Variants in IL34 observed in about 807,000 individuals in gnomAD.
IL34 encodes interleukin-34.
A neutral mutation model predicts 25.3 loss-of-function variants in IL34; 17 were observed. The ratio of observed to expected loss-of-function variants is 0.67; its 90% CI spans 0.46 to 1.01. IL34 has a LOEUF of 1.01. IL34 is among the 50% of genes least tolerant of loss of function. The pLI, the probability that IL34 is intolerant of heterozygous loss-of-function variation, is 0.00. For missense variants in IL34, 368 were observed against 312.9 expected, an observed-to-expected ratio of 1.18 and a Z score of -1.33; for synonymous variants, 174 against 140.9, an observed-to-expected ratio of 1.23 and a Z score of -1.66.
chr16:70,622,858 G>A (rs970640008), intron 1 of IL34, among the ~76,000 whole-genome samples: 3 of 152,166 alleles, frequency 2.0e-5, no homozygotes, highest in Admixed American at 6.5e-5. Flanking sequence ...GCCTCTAAAA[G>A]TATTAATGCA....
At chr16:70,659,927 G>T (rs2052349312) in intron 5 of IL34, 70 bp from the exon 6 acceptor site, 1 of 1,499,174 alleles carries the variant, frequency 6.7e-7, no homozygotes, top group Non-Finnish European at 9.0e-7. Flanking sequence ...AGCACATGCG[G>T]CTTGGCTTAG....
intron 1 of IL34, among the ~76,000 whole-genome samples, chr16:70,632,211 T>C (rs1567454306): frequency 6.6e-6 from 1 of 152,058 alleles, no homozygotes; most frequent in Non-Finnish European, 1.5e-5. Context: ...CCAGTGAATA[T>C]GGAGGAGCCT....
rs2051944646 is a variant in IL34 at position 70,646,830 on chromosome 16, C to T, written c.-118C>T. The T allele has an allele frequency of 9.9e-7, 1 of 1,008,428 alleles. No individual in the cohort carries two copies. The highest frequency in any genetic ancestry group is 1.4e-6 in the Non-Finnish European group (1 of 720,938). 62.5% of individuals were successfully genotyped at this position (1,008,428 alleles called of 1,614,324 possible). ...CCCAGCCACTCCTCCAGGGCCAGCC[C>T]TTCCCTGACTGAGTGACCACCTCTG... On this transcript the variant is annotated 5_prime_UTR_variant, in exon 1 of 6. Transcript: ENST00000288098.
chr16:70,606,759 T>C (rs1465779111), intron 1 of IL34, among the ~76,000 whole-genome samples: 6 of 152,142 alleles, frequency 3.9e-5, no homozygotes, highest in Non-Finnish European at 7.4e-5. Flanking sequence ...GGCTAATTTT[T>C]GTATTTTTTG....
At chr16:70,643,719 T>C (rs563693171), upstream of IL34, among the ~76,000 whole-genome samples, 1 of 152,286 alleles carries the variant, frequency 6.6e-6, no homozygotes, top group Non-Finnish European at 1.5e-5. Context: ...AAATTATATA[T>C]TGATTTTTAA....
At chr16:70,623,115 T>A (rs1176564735) in intron 1 of IL34, among the ~76,000 whole-genome samples, 3 of 151,920 alleles carry the variant, frequency 2.0e-5, no homozygotes, top group Non-Finnish European at 4.4e-5. Flanking sequence ...CAGATGAGGA[T>A]GAAATTTGGG....
At chr16:70,620,563 C>G (rs1027562082) in intron 1 of IL34, among the ~76,000 whole-genome samples, 59 of 151,978 alleles carry the variant, frequency 3.9e-4, no homozygotes, top group Non-Finnish European at 3.1e-4. Flanking sequence ...AAAGACTCAG[C>G]GACACTTGGG....
Position 70,657,040 on chromosome 16 carries a change from C to A in IL34, c.321C>A (p.Asp107Glu). 1 of 1,612,712 alleles carries A rather than the reference C, an allele frequency of 6.2e-7. No individual in the cohort carries two copies. The highest frequency in any genetic ancestry group is 8.5e-7 in the Non-Finnish European group (1 of 1,179,968). ...TCAGTGCCACTGAGTCGGTGCAGGA[C>A]GTGCTGCTCGAGGGCCACCCATCCT... ...VSLSATESVQDVLLEGHPSWK... is the reference protein window; with the variant it reads ...VSLSATESVQEVLLEGHPSWK... The change falls in exon 4 of 6, where the codon GAC becomes GAA. Residue 107 changes from aspartate (D) to glutamate (E), a missense_variant. Asp to Glu is a conservative substitution (Grantham distance 45, BLOSUM62 2). Transcript: ENST00000288098.
Position 70,646,823 on chromosome 16 carries a change from G to T in IL34, c.-125G>T. 1.1e-6 allele frequency: 1 copy of T among 933,918 alleles called. No homozygotes were observed. The allele number at this position is 933,918 out of a possible 1,614,324, so 57.9% of individuals were successfully genotyped here. A position where few individuals can be genotyped will look rare whatever the true frequency, so the allele number is the denominator to read the frequency against. Reference sequence around the variant, plus strand: ...CCCGCAGCCCAGCCACTCCTCCAGGGCCAGCCCTTCCCTGACTGAGTGACC... The same window carrying T: ...CCCGCAGCCCAGCCACTCCTCCAGGTCCAGCCCTTCCCTGACTGAGTGACC... On this transcript the variant is annotated 5_prime_UTR_variant, in exon 1 of 6. Coordinates refer to ENST00000288098, the MANE Select transcript of IL34 (RefSeq NM_001393494.1).
chr16:70,654,699 C>T (rs746673396), intron 2 of IL34, 28 bp downstream of exon 2: 6 of 1,578,996 alleles, frequency 3.8e-6, no homozygotes, highest in Admixed American at 1.7e-5. Flanking sequence ...AGCTGTGTCC[C>T]TGTCCCCGCG....
At chr16:70,621,623 G>C (rs771328619) in intron 1 of IL34, among the ~76,000 whole-genome samples, 1 of 152,080 alleles carries the variant, frequency 6.6e-6, no homozygotes, top group Non-Finnish European at 1.5e-5. Flanking sequence ...ATGCGCGTCC[G>C]TGTGAAGAGA....
Position 70,635,651 on chromosome 16 carries a change from C to T in IL34, c.-400-10897C>T, listed in dbSNP as rs938943301. On this transcript the variant is annotated intron_variant, in intron 1 of 6. Coordinates refer to the IL34 transcript ENST00000429149. ...GTCCCACGCTGGGTTTCTTTCTTGCCTTCTTTCACAATCAAGTAAGTATTT... is the reference window on the plus strand; with the variant it reads ...GTCCCACGCTGGGTTTCTTTCTTGCTTTCTTTCACAATCAAGTAAGTATTT... Among the ~76,000 whole-genome samples, 2 of 152,166 alleles carry T rather than the reference C, an allele frequency of 1.3e-5. 1 individual carries two copies. Among genetic ancestry groups the T allele is most frequent in the African/African-American group, 4.8e-5 (2 of 41,450 alleles).
intron 1 of IL34, among the ~76,000 whole-genome samples, chr16:70,620,811 C>T (rs1454286669): frequency 6.6e-6 from 1 of 152,036 alleles, no homozygotes; most frequent in African/African-American, 2.4e-5. Context: ...AGGGGCATTG[C>T]AGAAGAAAAG....
Position 70,636,587 on chromosome 16 carries a change from A to T in IL34, c.-400-9961A>T, listed in dbSNP as rs200228816. On this transcript the variant is annotated intron_variant, in intron 1 of 6. Coordinates refer to the IL34 transcript ENST00000429149. ...CCTGGACAACATAGCAAACCCTGTC[A>T]CACACACACACACACACACACACAC... Among the ~76,000 whole-genome samples, 13 of 6,338 alleles carry T rather than the reference A, an allele frequency of 2.1e-3. No individual in the cohort carries two copies. The South Asian group carries it at 0.024, about 12-fold the overall frequency. 4.2% of individuals were successfully genotyped at this position (6,338 alleles called of 152,430 possible). A position where few individuals can be genotyped will look rare whatever the true frequency, so the allele number is the denominator to read the frequency against.
chr16:70,638,092 A>G (rs933272889), intron 1 of IL34, among the ~76,000 whole-genome samples: 1 of 152,220 alleles, frequency 6.6e-6, no homozygotes, highest in Non-Finnish European at 1.5e-5. Context: ...AAATCAGTGT[A>G]AAAAGTGGAC....
At chr16:70,627,134 A>C (rs1234366418) in intron 1 of IL34, among the ~76,000 whole-genome samples, 2 of 152,024 alleles carry the variant, frequency 1.3e-5, no homozygotes, top group Non-Finnish European at 2.9e-5. Flanking sequence ...GGCCCTAAAA[A>C]ATATATTTTA....
intron 1 of IL34, among the ~76,000 whole-genome samples, chr16:70,640,176 C>G (rs2051747796): frequency 6.6e-6 from 1 of 152,104 alleles, no homozygotes; most frequent in Non-Finnish European, 1.5e-5. Flanking sequence ...GGGTCTCACT[C>G]TATCACCCAG....
intron 1 of IL34, among the ~76,000 whole-genome samples, chr16:70,603,713 G>C (rs6499324): frequency 0.33 from 49,745 of 152,062 alleles, 13,682 homozygotes; most frequent in African/African-American, 0.76. Context: ...ACAACTGGGA[G>C]TACACACAGG....
intron 1 of IL34, among the ~76,000 whole-genome samples, chr16:70,616,383 T>G (rs1043801366): frequency 6.6e-6 from 1 of 152,252 alleles, no homozygotes; most frequent in African/African-American, 2.4e-5. Flanking sequence ...TTTACCAATC[T>G]GATAGGTGAA....
Sources: gnomAD v4.1 joint callset for allele counts (sites outside exome capture counted in the v4.1 genomes callset) on GRCh38, gnomAD v4.1.1 for gene constraint, MANE v1.5 for transcripts, NCBI Gene and HGNC (gene_info 2026-07-23, HGNC 2026-07-21) for gene names.